RAD51AP1: variants seen among roughly 807,000 people sequenced by gnomAD.
RAD51AP1 encodes the protein RAD51 associated protein 1, also known as RAD51-associated protein 1.
A neutral mutation model predicts 34.3 loss-of-function variants in RAD51AP1; 14 were observed. The ratio of observed to expected loss-of-function variants is 0.41; its 90% CI spans 0.27 to 0.64. RAD51AP1 has a LOEUF of 0.64. RAD51AP1 is among the 30% of genes least tolerant of loss of function. The pLI is 0.33. For synonymous variants in RAD51AP1, 114 were observed against 129.8 expected, an observed-to-expected ratio of 0.88 and a Z score of 0.83; for missense variants, 348 against 386.9, an observed-to-expected ratio of 0.90 and a Z score of 0.84.
chr12:4,557,489 G>T (rs1209061486), intron 8 of RAD51AP1, among the ~76,000 whole-genome samples: 9 of 152,150 alleles, frequency 5.9e-5, no homozygotes, highest in Admixed American at 5.9e-4. Context: ...GATTTTTAAT[G>T]AGGACTTAAA....
intron 6 of RAD51AP1, among the ~76,000 whole-genome samples, chr12:4,550,740 AG>A (rs1944540469): frequency 6.6e-6 from 1 of 152,254 alleles, no homozygotes; most frequent in Non-Finnish European, 1.5e-5. Context: ...CACAGGTTCA[AG>A]CAATTCTTGT....
chr12:4,547,271 G>T (rs539751464), intron 4 of RAD51AP1, among the ~76,000 whole-genome samples: 1 of 151,922 alleles, frequency 6.6e-6, no homozygotes, highest in Non-Finnish European at 1.5e-5. Context: ...ACTATGTTGC[G>T]CATGCTGCCC....
At chr12:4,553,416 T>G (rs1401831490) in intron 7 of RAD51AP1, among the ~76,000 whole-genome samples, 2 of 152,168 alleles carry the variant, frequency 1.3e-5, no homozygotes, top group Non-Finnish European at 2.9e-5. Context: ...CATTCTACAG[T>G]GAAAAACTGA....
chr12:4,549,070 T>C (rs912625690), intron 6 of RAD51AP1, among the ~76,000 whole-genome samples: 2 of 152,204 alleles, frequency 1.3e-5, no homozygotes, highest in African/African-American at 2.4e-5. Flanking sequence ...AGGTGTAAAG[T>C]AGCATTTCTG....
rs1944603554 is a variant in RAD51AP1 at position 4,559,114 on chromosome 12, A to G, written c.*121A>G. On this transcript the variant is annotated 3_prime_UTR_variant, in exon 9 of 9. Transcript: ENST00000352618. ...ATAAAGGAATCCATTACCATGTCCT[A>G]TAAATGACCTCTAGCCATTTTATGA... is the stretch of plus-strand genomic sequence containing the variant. 9 of 1,222,170 alleles carry G rather than the reference A, an allele frequency of 7.4e-6. No homozygotes were observed. Among genetic ancestry groups the G allele is most frequent in the Admixed American group, 6.9e-5 (3 of 43,602 alleles). The allele number at this position is 1,222,170 out of a possible 1,614,324, so 75.7% of individuals were successfully genotyped here.
intron 7 of RAD51AP1, among the ~76,000 whole-genome samples, chr12:4,555,030 C>T (rs1177013267): frequency 6.6e-6 from 1 of 152,174 alleles, no homozygotes; most frequent in East Asian, 1.9e-4. Context: ...AAAGTTCCAT[C>T]AGACAGTGCT....
Position 4,546,406 on chromosome 12 carries a change from T to C in RAD51AP1, c.307T>C (p.Ser103Pro). ...LPTVTTNVQN[S>P]QDKSIEKHGS... ...AACAGTCACCACTAATGTGCAGAAC[T>C]CTCAAGATAAAAGTAACTTTATTTT... The change falls in exon 4 of 9, where the codon TCT becomes CCT. Residue 103 changes from serine (S) to proline (P), a missense_variant. Ser to Pro is a moderately conservative substitution (Grantham distance 74, BLOSUM62 -1). Transcript: ENST00000352618. The C allele has an allele frequency of 6.2e-7, 1 of 1,603,468 alleles. No homozygotes were observed.
chr12:4,539,090 T>C (rs1944431272), intron 1 of RAD51AP1, 134 bp downstream of exon 1: 2 of 962,220 alleles, frequency 2.1e-6, no homozygotes, highest in Non-Finnish European at 3.1e-6. Flanking sequence ...AAGAACCCAG[T>C]CTCCAGTGAG....
At chr12:4,547,033 C>G (rs1440734583) in intron 4 of RAD51AP1, among the ~76,000 whole-genome samples, 1 of 151,994 alleles carries the variant, frequency 6.6e-6, no homozygotes, top group African/African-American at 2.4e-5. Flanking sequence ...ATACATGGAG[C>G]TTTTTTCTTT....
rs1204453282 is a variant in RAD51AP1 at position 4,538,963 on chromosome 12, A to G, written c.17+7A>G. The G allele has an allele frequency of 6.2e-7, 1 of 1,610,144 alleles. No homozygotes were observed. Among genetic ancestry groups the G allele is most frequent in the Admixed American group, 1.7e-5 (1 of 59,986 alleles). On this transcript the variant is annotated splice_region_variant and intron_variant, in intron 1 of 8. Transcript: ENST00000352618. ...CCATGGTGCGGCCTGTGAGGTGGGT[A>G]GTTCCTGACATTCGTCGGGGGTGGG...
chr12:4,538,897 A>G lies in RAD51AP1; in HGVS notation c.-43A>G, dbSNP rs780715161. ...GGAATTGAAACCGCCGCTGAAGCCA[A>G]CAAGAATTTGAGAACTGTAAATACC... On this transcript the variant is annotated 5_prime_UTR_variant, in exon 1 of 9. Coordinates refer to ENST00000352618, the MANE Select transcript of RAD51AP1 (RefSeq NM_006479.5). The G allele has an allele frequency of 2.5e-6, 4 of 1,612,040 alleles. No homozygotes were observed. Among genetic ancestry groups the G allele is most frequent in the Non-Finnish European group, 2.5e-6 (3 of 1,178,342 alleles).
chr12:4,555,169 C>T (rs1944573617), intron 7 of RAD51AP1, among the ~76,000 whole-genome samples: 1 of 151,976 alleles, frequency 6.6e-6, no homozygotes, highest in Non-Finnish European at 1.5e-5. Context: ...TGCCACCTCT[C>T]CTCCCTCCCC....
intron 1 of RAD51AP1, among the ~76,000 whole-genome samples, chr12:4,539,239 ATG>A (rs1944434163): frequency 1.3e-5 from 2 of 152,130 alleles, no homozygotes; most frequent in South Asian, 2.1e-4. Context: ...GCGCCCAATT[ATG>A]TGTTATTTTA....
intron 1 of RAD51AP1, among the ~76,000 whole-genome samples, chr12:4,541,476 C>T (rs1050014887): frequency 6.6e-6 from 1 of 152,000 alleles, no homozygotes; most frequent in Admixed American, 6.5e-5. Flanking sequence ...ACACGTACAA[C>T]GGGAACTTAC....
chr12:4,544,432 A>G (rs764923900), intron 3 of RAD51AP1, among the ~76,000 whole-genome samples: 5 of 152,190 alleles, frequency 3.3e-5, no homozygotes, highest in Non-Finnish European at 7.4e-5. Flanking sequence ...GGAAGTCCTT[A>G]GAGACCCAAA....
intron 6 of RAD51AP1, among the ~76,000 whole-genome samples, chr12:4,551,031 C>T (rs1381430770): frequency 6.6e-6 from 1 of 152,104 alleles, no homozygotes; most frequent in Non-Finnish European, 1.5e-5. Flanking sequence ...ATCACCTGAA[C>T]CACCTAAGAG....
At chr12:4,557,991 T>C (rs564219263) in intron 8 of RAD51AP1, among the ~76,000 whole-genome samples, 2 of 152,052 alleles carry the variant, frequency 1.3e-5, no homozygotes, top group Non-Finnish European at 2.9e-5. Flanking sequence ...TTGTTGTTGT[T>C]GTTAGCACCA....
At position 4,556,391 on chromosome 12, in the gene RAD51AP1, G is replaced by C. The variant is rs1023034362; in HGVS notation, c.760G>C (p.Glu254Gln). Residue 254 changes from glutamate to glutamine, a missense_variant, in exon 8 of 9, where the codon GAA becomes CAA. Coordinates refer to ENST00000352618, the MANE Select transcript of RAD51AP1 (RefSeq NM_006479.5). Reference protein sequence around the residue: ...VDSAPAAVKSESQSLPKKVSL... With the variant: ...VDSAPAAVKSQSQSLPKKVSL... ...CTCTGCTCCAGCTGCCGTCAAATCA[G>C]AATCTCAGTCCTTGCCAAAAAAGGT... is the stretch of plus-strand genomic sequence containing the variant. 6 of 1,613,590 alleles carry C rather than the reference G, an allele frequency of 3.7e-6. No homozygotes were observed. In the African/African-American group the frequency reaches 5.3e-5, roughly 14 times the overall value.
chr12:4,559,114 A>T lies in RAD51AP1; in HGVS notation c.*121A>T. 1.6e-6 allele frequency: 2 copies of T among 1,222,288 alleles called. No individual in the cohort carries two copies. Among genetic ancestry groups the T allele is most frequent in the Non-Finnish European group, 2.3e-6 (2 of 881,356 alleles). 75.7% of individuals were successfully genotyped at this position (1,222,288 alleles called of 1,614,324 possible). ...ATAAAGGAATCCATTACCATGTCCTATAAATGACCTCTAGCCATTTTATGA... is the reference window on the plus strand; with the variant it reads ...ATAAAGGAATCCATTACCATGTCCTTTAAATGACCTCTAGCCATTTTATGA... On this transcript the variant is annotated 3_prime_UTR_variant, in exon 9 of 9. Coordinates refer to ENST00000352618, the MANE Select transcript of RAD51AP1 (RefSeq NM_006479.5).
Sources: gnomAD v4.1 joint callset for allele counts (sites outside exome capture counted in the v4.1 genomes callset) on GRCh38, gnomAD v4.1.1 for gene constraint, MANE v1.5 for transcripts, NCBI Gene and HGNC (gene_info 2026-07-23, HGNC 2026-07-21) for gene names.